The following OPCML variants were observed in gnomAD, a reference collection of about 807,000 sequenced individuals.
The protein encoded by OPCML is opioid-binding protein/cell adhesion molecule.
OPCML carries 13 observed loss-of-function variants against 37.8 expected under a neutral mutation model. The ratio of observed to expected loss-of-function variants is 0.34; its 90% CI spans 0.22 to 0.55. The LOEUF (loss-of-function observed/expected upper bound fraction) is 0.55, where lower values mean the gene tolerates loss of function less well. Ranked by LOEUF, OPCML falls within the 20% of genes least tolerant of loss-of-function variation. OPCML has a pLI of 0.91. For synonymous variants in OPCML, 176 were observed against 168.8 expected, an observed-to-expected ratio of 1.04 and a Z score of -0.33; for missense variants, 341 against 435.6, an observed-to-expected ratio of 0.78 and a Z score of 1.93.
chr11:132,822,202 G>A (rs547298920), intron 2 of OPCML, among the ~76,000 whole-genome samples: 1 of 152,154 alleles, frequency 6.6e-6, no homozygotes, highest in South Asian at 2.1e-4. Context: ...CAATGTGGAA[G>A]ATGGAGAGAG....
intron 1 of OPCML, among the ~76,000 whole-genome samples, chr11:133,056,739 T>C (rs887818282): frequency 2.0e-5 from 3 of 152,238 alleles, no homozygotes; most frequent in Non-Finnish European, 2.9e-5. Context: ...TTAATCACTA[T>C]GTATGGTTCC....
At chr11:133,089,766 A>T (rs556918829) in intron 1 of OPCML, among the ~76,000 whole-genome samples, 3 of 114,338 alleles carry the variant, frequency 2.6e-5, no homozygotes, top group South Asian at 4.5e-4. Flanking sequence ...ACCAACCCCT[A>T]AAAAAAAAAA....
At chr11:133,507,433 G>A (rs1948058447) in intron 1 of OPCML, among the ~76,000 whole-genome samples, 1 of 152,178 alleles carries the variant, frequency 6.6e-6, no homozygotes, top group Admixed American at 6.5e-5. Flanking sequence ...GTCTTCTTTT[G>A]TAGAGAGGAA....
chr11:132,982,442 A>T (rs76668156), intron 1 of OPCML, among the ~76,000 whole-genome samples: 1 of 152,156 alleles, frequency 6.6e-6, no homozygotes, highest in African/African-American at 2.4e-5. Flanking sequence ...AGAAATCTTC[A>T]TAATTCCTTC....
intron 1 of OPCML, among the ~76,000 whole-genome samples, chr11:133,074,533 A>G (rs1163092894): frequency 6.6e-6 from 1 of 152,146 alleles, no homozygotes; most frequent in African/African-American, 2.4e-5. Flanking sequence ...GAGCCTATGC[A>G]GACTTTCCAG....
At chr11:133,126,597 T>G (rs946526021) in intron 1 of OPCML, among the ~76,000 whole-genome samples, 2 of 152,218 alleles carry the variant, frequency 1.3e-5, no homozygotes, top group African/African-American at 2.4e-5. Context: ...TAGACATTAT[T>G]AAAGAATGGA....
chr11:132,471,615 T>C (rs2136961994), intron 4 of OPCML, among the ~76,000 whole-genome samples: 1 of 152,278 alleles, frequency 6.6e-6, no homozygotes, highest in South Asian at 2.1e-4. Flanking sequence ...GCTGCCTAAT[T>C]ATCCTCACAA....
chr11:132,422,027 C>T (rs2095961113), intron 7 of OPCML, among the ~76,000 whole-genome samples: 1 of 151,748 alleles, frequency 6.6e-6, no homozygotes. Flanking sequence ...CCATATGTTT[C>T]TTTAAAATTA....
intron 3 of OPCML, among the ~76,000 whole-genome samples, chr11:132,654,539 C>T (rs980614213): frequency 1.3e-5 from 2 of 151,938 alleles, no homozygotes; most frequent in South Asian, 4.2e-4. Flanking sequence ...AAGAGAAGCT[C>T]CTCCCCAAGA....
chr11:133,338,889 T>C (rs80270024), intron 1 of OPCML, among the ~76,000 whole-genome samples: 1 of 152,172 alleles, frequency 6.6e-6, no homozygotes, highest in Non-Finnish European at 1.5e-5. Flanking sequence ...AAGAGCTGGC[T>C]TTTCTCAAGA....
At chr11:132,831,612 C>T (rs1283322840) in intron 2 of OPCML, among the ~76,000 whole-genome samples, 3 of 152,018 alleles carry the variant, frequency 2.0e-5, no homozygotes, top group Non-Finnish European at 4.4e-5. Context: ...CCAAACCCAT[C>T]CATCATAACT....
intron 1 of OPCML, among the ~76,000 whole-genome samples, chr11:133,028,281 G>A (rs1311966156): frequency 1.3e-5 from 2 of 152,070 alleles, no homozygotes; most frequent in Non-Finnish European, 2.9e-5. Context: ...CTACAGGTGG[G>A]ATGTCAGGCA....
chr11:133,156,558 T>C (rs1400398718), intron 1 of OPCML, among the ~76,000 whole-genome samples: 1 of 152,234 alleles, frequency 6.6e-6, no homozygotes, highest in East Asian at 1.9e-4. Flanking sequence ...GCAAGAGCCA[T>C]GTTTCTGCAT....
At chr11:133,079,893 G>A (rs1297179840) in intron 1 of OPCML, among the ~76,000 whole-genome samples, 1 of 152,194 alleles carries the variant, frequency 6.6e-6, no homozygotes, top group Non-Finnish European at 1.5e-5. Flanking sequence ...GCCCGTCCAA[G>A]GGGATGGAAG....
At chr11:132,915,652 A>G (rs1380839243) in intron 2 of OPCML, among the ~76,000 whole-genome samples, 2 of 152,248 alleles carry the variant, frequency 1.3e-5, no homozygotes. Context: ...CCTCAGTGAC[A>G]CAAACTGTTT....
chr11:133,144,605 T>C (rs1949872497), intron 1 of OPCML, among the ~76,000 whole-genome samples: 1 of 152,222 alleles, frequency 6.6e-6, no homozygotes, highest in African/African-American at 2.4e-5. Flanking sequence ...CAGTCAAAGC[T>C]TCGTAAGCAT....
At chr11:133,289,911 T>A (rs1942427566) in intron 1 of OPCML, among the ~76,000 whole-genome samples, 1 of 152,166 alleles carries the variant, frequency 6.6e-6, no homozygotes. Context: ...TTAACGTCCA[T>A]TTCCCCCCTG....
At chr11:132,530,632 C>T (rs1047875678) in intron 3 of OPCML, among the ~76,000 whole-genome samples, 3 of 151,986 alleles carry the variant, frequency 2.0e-5, no homozygotes, top group African/African-American at 4.8e-5. Context: ...ACCGATGAAC[C>T]TCATCTCAGG....
intron 1 of OPCML, among the ~76,000 whole-genome samples, chr11:133,491,165 C>T (rs759763159): frequency 6.6e-6 from 1 of 152,124 alleles, no homozygotes; most frequent in African/African-American, 2.4e-5. Context: ...ATGCCCAGGT[C>T]GACAACCTCA....
Sources: allele counts gnomAD v4.1 joint callset (sites outside exome capture counted in the v4.1 genomes callset), GRCh38; gene constraint gnomAD v4.1.1; transcripts MANE v1.5; gene names NCBI Gene and HGNC (gene_info 2026-07-23, HGNC 2026-07-21).